Variants in C11orf52 observed in about 807,000 individuals in gnomAD.
The protein encoded by C11orf52 is uncharacterized protein C11orf52.
A neutral mutation model predicts 11.7 loss-of-function variants in C11orf52; 9 were observed. The observed-to-expected ratio is 0.77, with a 90% confidence interval of 0.46 to 1.34. The LOEUF (loss-of-function observed/expected upper bound fraction) is 1.34, where lower values mean the gene tolerates loss of function less well. C11orf52 is among the 40% of genes most tolerant of loss of function. The probability of loss-of-function intolerance (pLI) is 0.00; values close to 1 mark genes in which losing one functional copy is unlikely to be tolerated. For missense variants in C11orf52, 139 were observed against 154.8 expected, an observed-to-expected ratio of 0.90 and a Z score of 0.54; for synonymous variants, 49 against 57.4, an observed-to-expected ratio of 0.85 and a Z score of 0.66.
rs1483008614 is a variant in C11orf52, at chr11:111,926,293, T to C, written c.*94T>C. 5.8e-6 allele frequency: 9 copies of C among 1,549,200 alleles called. No homozygotes were observed. In the Admixed American group the frequency reaches 7.3e-5, roughly 13 times the overall value. On this transcript the variant is annotated 3_prime_UTR_variant, in exon 4 of 4. Transcript: ENST00000278601. ...GAATTGGGTGGCAACCCAGGGATGT[T>C]GTCCACGTTTTAAGCTTAAAGAACT...
rs781905192 is a variant in C11orf52, at chr11:111,924,339, A to G, written c.46A>G (p.Thr16Ala). Residue 16 changes from threonine (T) to alanine (A), a missense_variant, in exon 2 of 4, where the codon ACT (threonine) becomes GCT (alanine). Transcript: ENST00000278601. The part of the protein sequence containing the change: ...CCGGSWSCPS[T>A]FQKKKKTGSQ... ...TTCCTATTACAGGAGCTGCCCATCA[A>G]CTTTCCAGAAGAAAAAGAAAACAGG... 3 of 1,613,710 alleles carry G rather than the reference A, an allele frequency of 1.9e-6. No homozygotes were observed. Among genetic ancestry groups the G allele is most frequent in the Admixed American group, 3.3e-5 (2 of 60,010 alleles).
chr11:111,919,424 G>A (rs1200410570), intron 1 of C11orf52, among the ~76,000 whole-genome samples: 2 of 152,106 alleles, frequency 1.3e-5, no homozygotes, highest in African/African-American at 4.8e-5. Context: ...AGTGAGCCGA[G>A]ATCGCGCCAC....
rs191284997 is a variant in C11orf52, at chr11:111,920,126, C to T, written c.32+1122C>T. Among the ~76,000 whole-genome samples, 1,088 of 152,066 alleles carry T rather than the reference C, an allele frequency of 7.2e-3. 8 individuals are homozygous for T. The highest frequency in any genetic ancestry group is 0.013 in the Non-Finnish European group (887 of 67,982). ...AGGAGAATCCCTTGAACCCAGGAGA[C>T]GGAGCTTGCAGTGAGCCGAGATTGC... On this transcript the variant is annotated intron_variant, in intron 1 of 3. Coordinates refer to ENST00000278601, the MANE Select transcript of C11orf52 (RefSeq NM_080659.3).
intron 2 of C11orf52, among the ~76,000 whole-genome samples, chr11:111,925,257 T>C (rs1965771097): frequency 6.6e-6 from 1 of 151,994 alleles, no homozygotes; most frequent in South Asian, 2.1e-4. Context: ...AGCTGAGCAC[T>C]TCCCACCTTG....
intron 1 of C11orf52, among the ~76,000 whole-genome samples, chr11:111,922,219 A>C (rs1307953858): frequency 6.6e-6 from 1 of 152,202 alleles, no homozygotes; most frequent in Non-Finnish European, 1.5e-5. Context: ...TGACCTCATC[A>C]GTCTGACTCT....
intron 1 of C11orf52, 76 bp downstream of exon 1, chr11:111,919,080 T>C: frequency 6.5e-7 from 1 of 1,531,076 alleles, no homozygotes; most frequent in South Asian, 1.2e-5. Context: ...TCAGAGGACC[T>C]GGAGATAGTT....
At chr11:111,920,839 A>G (rs1196853852) in intron 1 of C11orf52, among the ~76,000 whole-genome samples, 2 of 152,338 alleles carry the variant, frequency 1.3e-5, no homozygotes, top group East Asian at 1.9e-4. Context: ...TATGACTTTC[A>G]CACTTATTTA....
chr11:111,919,173 CT>C, intron 1 of C11orf52, 169 bp downstream of exon 1: 1 of 762,066 alleles, frequency 1.3e-6, no homozygotes, highest in Non-Finnish European at 2.2e-6. Flanking sequence ...TTCAGGAGGC[CT>C]TAGAAGACAG....
intron 2 of C11orf52, among the ~76,000 whole-genome samples, chr11:111,924,900 G>A (rs1965761954): frequency 1.3e-5 from 2 of 152,242 alleles, no homozygotes; most frequent in African/African-American, 2.4e-5. Flanking sequence ...AGGTGGGGCG[G>A]ATCACTTGAG....
Position 111,919,124 on chromosome 11 carries a change from C to T in C11orf52, c.32+120C>T, listed in dbSNP as rs1350016948. 7.3e-6 allele frequency: 8 copies of T among 1,095,280 alleles called. No individual in the cohort carries two copies. In the African/African-American group the frequency reaches 9.4e-5, roughly 13 times the overall value. The allele number at this position is 1,095,280 out of a possible 1,614,324, so 67.8% of individuals were successfully genotyped here. On this transcript the variant is annotated intron_variant, in intron 1 of 3. Transcript: ENST00000278601. ...GCCTCCCACTGCCACCTTCCTCTGC[C>T]TGGTACCTCCTTGTTCCAACACCAG...
At chr11:111,922,580 T>G (rs1230043642) in intron 1 of C11orf52, among the ~76,000 whole-genome samples, 1 of 152,228 alleles carries the variant, frequency 6.6e-6, no homozygotes, top group Non-Finnish European at 1.5e-5. Flanking sequence ...AAACATACCT[T>G]TTTACTAACT....
At chr11:111,920,178 G>C (rs1555166401) in intron 1 of C11orf52, among the ~76,000 whole-genome samples, 2 of 151,986 alleles carry the variant, frequency 1.3e-5, no homozygotes, top group African/African-American at 4.8e-5. Flanking sequence ...CTGGGTGACA[G>C]AGCAAGACTC....
intron 3 of C11orf52, 108 bp from the exon 4 acceptor site, chr11:111,925,852 T>C (rs587603688): frequency 6.3e-7 from 1 of 1,577,730 alleles, no homozygotes; most frequent in Admixed American, 1.8e-5. Flanking sequence ...TGTCTGTCCT[T>C]TGCTCAAAGG....
chr11:111,925,187 A>G (rs1369807364), intron 2 of C11orf52, among the ~76,000 whole-genome samples: 1 of 152,078 alleles, frequency 6.6e-6, no homozygotes, highest in Non-Finnish European at 1.5e-5. Context: ...TTAGGCAGAT[A>G]AATCAGCTCA....
intron 2 of C11orf52, among the ~76,000 whole-genome samples, chr11:111,925,424 T>C (rs966543175): frequency 4.6e-5 from 7 of 152,024 alleles, no homozygotes; most frequent in African/African-American, 1.7e-4. Flanking sequence ...TGTTAGGGGC[T>C]AGTGAAAAAT....
chr11:111,920,618 G>T (rs2137399163), intron 1 of C11orf52, among the ~76,000 whole-genome samples: 1 of 152,124 alleles, frequency 6.6e-6, no homozygotes, highest in Middle Eastern at 3.4e-3. Context: ...TTAAAAATTA[G>T]CTAGGCGTGG....
rs1566430987 is a variant in C11orf52 at position 111,925,995 on chromosome 11, G to T, written c.168G>T (p.Val56=). The change falls in exon 4 of 4, where the codon GTG becomes GTT. Residue 56 remains valine, a synonymous_variant. Coordinates refer to ENST00000278601, the MANE Select transcript of C11orf52 (RefSeq NM_080659.3). The part of the protein sequence containing the change: ...HETTGHTYER[V]LQQQGSQERS... ...CAACAGGACATACGTATGAACGGGT[G>T]TTACAGCAGCAAGGGTCTCAAGAGA... The T allele has an allele frequency of 6.2e-7, 1 of 1,614,258 alleles. No individual in the cohort carries two copies. The highest frequency in any genetic ancestry group is 8.5e-7 in the Non-Finnish European group (1 of 1,180,038).
Position 111,918,960 on chromosome 11 carries a change from G to A in C11orf52, c.-13G>A. 5 of 1,614,204 alleles carry A rather than the reference G, an allele frequency of 3.1e-6. No homozygotes were observed. The highest frequency in any genetic ancestry group is 4.2e-6 in the Non-Finnish European group (5 of 1,180,032). ...GCATAAAAACAGCTGGGCTCCCTTG[G>A]AGACAGAGCGCCATGGGAAACCGGG... On this transcript the variant is annotated 5_prime_UTR_variant, in exon 1 of 4. Coordinates refer to ENST00000278601, the MANE Select transcript of C11orf52 (RefSeq NM_080659.3).
Position 111,925,725 on chromosome 11 carries a change from G to C in C11orf52, c.132+11G>C. The C allele has an allele frequency of 6.2e-7, 1 of 1,614,010 alleles. No individual in the cohort carries two copies. The highest frequency in any genetic ancestry group is 1.3e-5 in the African/African-American group (1 of 75,030). ...CAGAATCTCCCAAAGGTAATGACAG[G>C]TCTCTGTCCCCTCTCTGGGGCTGCT... On this transcript the variant is annotated intron_variant, in intron 3 of 3. Transcript: ENST00000278601.
Sources: allele counts gnomAD v4.1 joint callset (sites outside exome capture counted in the v4.1 genomes callset), GRCh38; gene constraint gnomAD v4.1.1; transcripts MANE v1.5; gene names NCBI Gene and HGNC (gene_info 2026-07-23, HGNC 2026-07-21).